The following KCND3 variants were observed in gnomAD, a reference collection of about 807,000 sequenced individuals.
KCND3 encodes the protein A-type voltage-gated potassium channel KCND3.
Under a neutral mutation model 51.1 loss-of-function variants are expected in KCND3, and 9 were observed. The ratio of observed to expected loss-of-function variants is 0.18; its 90% CI spans 0.11 to 0.31. The LOEUF (loss-of-function observed/expected upper bound fraction) is 0.31. Among genes scored for constraint, KCND3 ranks in the 10% least tolerant of loss-of-function variants. The pLI is 1.00. For missense variants in KCND3, 526 were observed against 903.8 expected (o/e 0.58, Z 5.36); for synonymous variants, 349 against 368.0 (o/e 0.95, Z 0.59).
At chr1:111,874,797 G>A (rs1278906607) in intron 2 of KCND3, among the ~76,000 whole-genome samples, 1 of 152,102 alleles carries the variant, frequency 6.6e-6, no homozygotes, top group Non-Finnish European at 1.5e-5. Context: ...GGCACCCACT[G>A]ACTGCCACAT....
intron 2 of KCND3, among the ~76,000 whole-genome samples, chr1:111,969,181 C>A (rs903675948): frequency 1.3e-5 from 2 of 152,148 alleles, no homozygotes; most frequent in African/African-American, 2.4e-5. Flanking sequence ...AGCCTCCATG[C>A]CCACCCTCGT....
At chr1:111,892,223 GAGCATCCAA>G (rs1026115164) in intron 2 of KCND3, among the ~76,000 whole-genome samples, 12 of 152,166 alleles carry the variant, frequency 7.9e-5, no homozygotes, top group African/African-American at 2.7e-4. Flanking sequence ...CGGGGAAAGG[GAGCATCCAA>G]AGCTCGCCTC....
chr1:111,894,967 AAG>A (rs530165964), intron 2 of KCND3, among the ~76,000 whole-genome samples: 12 of 151,458 alleles, frequency 7.9e-5, no homozygotes, highest in East Asian at 3.9e-4. Flanking sequence ...CAGGAGAAGA[AAG>A]AGGGGAAAAG....
chr1:111,808,195 A>G (rs1049841331), intron 2 of KCND3, among the ~76,000 whole-genome samples: 5 of 152,224 alleles, frequency 3.3e-5, no homozygotes, highest in Non-Finnish European at 5.9e-5. Context: ...GGAACTCAAT[A>G]AATGTTACTT....
intron 2 of KCND3, among the ~76,000 whole-genome samples, chr1:111,863,171 T>TTA (rs1182148629): frequency 1.3e-5 from 2 of 152,248 alleles, no homozygotes; most frequent in East Asian, 3.8e-4. Context: ...AAGGCAGGCA[T>TTA]TACTATCCTC....
chr1:111,895,035 G>C (rs1021471914), intron 2 of KCND3, among the ~76,000 whole-genome samples: 1 of 150,248 alleles, frequency 6.7e-6, no homozygotes, highest in Non-Finnish European at 1.5e-5. Context: ...AGGGATGAGA[G>C]GGAGATGTGG....
intron 2 of KCND3, among the ~76,000 whole-genome samples, chr1:111,797,199 G>A (rs1665093132): frequency 6.6e-6 from 1 of 152,190 alleles, no homozygotes; most frequent in South Asian, 2.1e-4. Context: ...GTGATCTGGG[G>A]ACTACTGCTT....
At chr1:111,833,332 A>G (rs562459522) in intron 2 of KCND3, among the ~76,000 whole-genome samples, 13 of 152,388 alleles carry the variant, frequency 8.5e-5, no homozygotes, top group Non-Finnish European at 1.8e-4. Context: ...CTTGCTTGCA[A>G]GCAGCCTGGA....
intron 2 of KCND3, among the ~76,000 whole-genome samples, chr1:111,798,170 C>A (rs1046901030): frequency 6.6e-6 from 1 of 152,144 alleles, no homozygotes; most frequent in Admixed American, 6.5e-5. Context: ...AAGCTCCCAC[C>A]CTTCCCTTCT....
intron 2 of KCND3, among the ~76,000 whole-genome samples, chr1:111,823,893 G>C (rs1054481275): frequency 6.6e-6 from 1 of 152,128 alleles, no homozygotes; most frequent in Non-Finnish European, 1.5e-5. Flanking sequence ...TAATATGGTT[G>C]CACTAGAGAC....
Position 111,775,943 on chromosome 1 carries a change from C to T in KCND3, c.*134G>A. ...CCTCTTTTTCCTTCCAGGCACAAGTCTCAGTGCTAGGGGTACAATGGGGCA... is the reference window on the plus strand; with the variant it reads ...CCTCTTTTTCCTTCCAGGCACAAGTTTCAGTGCTAGGGGTACAATGGGGCA... On this transcript the variant is annotated 3_prime_UTR_variant, in exon 8 of 8. Coordinates refer to ENST00000302127, the MANE Select transcript of KCND3 (RefSeq NM_001378969.1). The T allele has an allele frequency of 9.8e-7, 1 of 1,016,666 alleles. No individual in the cohort carries two copies. The allele number at this position is 1,016,666 out of a possible 1,614,324, so 63.0% of individuals were successfully genotyped here.
intron 2 of KCND3, among the ~76,000 whole-genome samples, chr1:111,819,819 G>C (rs752778557): frequency 9.2e-5 from 14 of 152,130 alleles, no homozygotes; most frequent in Non-Finnish European, 2.1e-4. Flanking sequence ...AATCACGGAG[G>C]GTATATGACT....
intron 2 of KCND3, among the ~76,000 whole-genome samples, chr1:111,853,517 A>G (rs1484606270): frequency 6.6e-6 from 1 of 151,214 alleles, no homozygotes; most frequent in Non-Finnish European, 1.5e-5. Context: ...TTGTCAGGCA[A>G]CCTCCCCTGA....
At chr1:111,819,619 G>A (rs1326750560) in intron 2 of KCND3, among the ~76,000 whole-genome samples, 2 of 152,144 alleles carry the variant, frequency 1.3e-5, no homozygotes, top group Non-Finnish European at 2.9e-5. Context: ...CCAGAGGGGC[G>A]GAAGAGGAGC....
rs148275820 is a variant in KCND3 at position 111,917,820 on chromosome 1, C to T, written c.1106+63801G>A. On this transcript the variant is annotated intron_variant, in intron 2 of 7. Coordinates refer to ENST00000302127, the MANE Select transcript of KCND3 (RefSeq NM_001378969.1). ...CAGACCACTGCACCTTCCACTACAC[C>T]ATTCTTCCTTTCCACAGGACAGGTC... is the stretch of plus-strand genomic sequence containing the variant. Among the ~76,000 whole-genome samples, 105 of 152,338 alleles carry T rather than the reference C, an allele frequency of 6.9e-4. 1 individual carries two copies. In the East Asian group the frequency reaches 0.019, roughly 28 times the overall value.
chr1:111,974,316 A>T (rs1674508424), intron 2 of KCND3, among the ~76,000 whole-genome samples: 1 of 152,154 alleles, frequency 6.6e-6, no homozygotes, highest in African/African-American at 2.4e-5. Context: ...TTTGAGGTCA[A>T]TACTGTGCAC....
chr1:111,887,672 A>C (rs1293580531), intron 2 of KCND3, among the ~76,000 whole-genome samples: 3 of 152,226 alleles, frequency 2.0e-5, no homozygotes, highest in Non-Finnish European at 4.4e-5. Context: ...GAATCAGAGC[A>C]GATAAACCAA....
intron 2 of KCND3, among the ~76,000 whole-genome samples, chr1:111,789,178 A>C (rs1184472894): frequency 2.0e-5 from 3 of 152,246 alleles, no homozygotes. Context: ...CTGATGAGGA[A>C]TGCTAAGGAC....
chr1:111,936,677 A>T (rs1672238829), intron 2 of KCND3, among the ~76,000 whole-genome samples: 1 of 152,202 alleles, frequency 6.6e-6, no homozygotes. Context: ...GTGAGAGGCC[A>T]CTGAAAGTCC....
Sources: gnomAD v4.1 joint callset for allele counts (sites outside exome capture counted in the v4.1 genomes callset) on GRCh38, gnomAD v4.1.1 for gene constraint, MANE v1.5 for transcripts, NCBI Gene and HGNC (gene_info 2026-07-23, HGNC 2026-07-21) for gene names.